ANKS1B: variants seen among roughly 807,000 people sequenced by gnomAD.
ANKS1B encodes the protein ankyrin repeat and sterile alpha motif domain-containing protein 1B.
A neutral mutation model predicts 148.3 loss-of-function variants in ANKS1B; 36 were observed. That is an observed-to-expected ratio of 0.24 (90% CI 0.19 to 0.32). The LOEUF (loss-of-function observed/expected upper bound fraction) is 0.32. ANKS1B is among the 10% of genes least tolerant of loss of function. ANKS1B has a pLI of 1.00. For synonymous variants in ANKS1B, 542 were observed against 560.8 expected (o/e 0.97, Z 0.47); for missense variants, 1,157 against 1,542.6 (o/e 0.75, Z 4.19).
At chr12:99,575,790 C>G (rs2097512675) in intron 9 of ANKS1B, among the ~76,000 whole-genome samples, 1 of 151,780 alleles carries the variant, frequency 6.6e-6, no homozygotes, top group Non-Finnish European at 1.5e-5. Flanking sequence ...TACTTTCCAC[C>G]AAAAAAATAC....
intron 17 of ANKS1B, among the ~76,000 whole-genome samples, chr12:98,984,696 T>A (rs903858788): frequency 4.6e-5 from 7 of 152,306 alleles, no homozygotes; most frequent in Non-Finnish European, 1.0e-4. Context: ...CAGATTTTTT[T>A]AACCTATTTC....
chr12:99,085,068 C>G (rs767492885), intron 15 of ANKS1B, 45 bp from the exon 16 acceptor site: 1 of 1,439,298 alleles, frequency 6.9e-7, no homozygotes, highest in Non-Finnish European at 9.6e-7. Context: ...AGCATTTATA[C>G]TGTGGATAAA....
chr12:99,812,556 CACAGAGAGAG>C (rs576105020), intron 2 of ANKS1B, among the ~76,000 whole-genome samples: 1,370 of 63,008 alleles, frequency 0.022, 17 homozygotes, highest in South Asian at 0.14. Context: ...CACACACACA[CACAGAGAGAG>C]AGAGAGAGAG....
chr12:99,423,790 G>C (rs1287257629), intron 11 of ANKS1B, among the ~76,000 whole-genome samples: 1 of 152,124 alleles, frequency 6.6e-6, no homozygotes, highest in African/African-American at 2.4e-5. Context: ...TAAATGGTGA[G>C]AACATGTGAA....
chr12:99,607,608 T>C (rs554308585), intron 9 of ANKS1B, among the ~76,000 whole-genome samples: 2 of 152,188 alleles, frequency 1.3e-5, no homozygotes, highest in East Asian at 3.9e-4. Context: ...GGTCCAATAA[T>C]TCAAGACTCA....
intron 17 of ANKS1B, among the ~76,000 whole-genome samples, chr12:98,866,632 C>T (rs2099625935): frequency 6.6e-6 from 1 of 152,242 alleles, no homozygotes; most frequent in South Asian, 2.1e-4. Context: ...GGACCCTTCA[C>T]CTTTGGGACA....
At chr12:99,679,303 T>G (rs891240047) in intron 8 of ANKS1B, among the ~76,000 whole-genome samples, 2 of 152,292 alleles carry the variant, frequency 1.3e-5, no homozygotes, top group East Asian at 3.9e-4. Flanking sequence ...TTTTGAACTC[T>G]AAAGTTTTGT....
At chr12:99,421,550 T>C (rs116933725) in intron 11 of ANKS1B, among the ~76,000 whole-genome samples, 2 of 151,978 alleles carry the variant, frequency 1.3e-5, no homozygotes, top group East Asian at 3.9e-4. Context: ...GAAGAGAAGA[T>C]ACACTCCAAT....
chr12:99,179,157 G>A (rs1347942509), intron 14 of ANKS1B, among the ~76,000 whole-genome samples: 1 of 152,096 alleles, frequency 6.6e-6, no homozygotes, highest in Admixed American at 6.6e-5. Context: ...GGCCGGGCGC[G>A]GTGGCTCATG....
intron 9 of ANKS1B, among the ~76,000 whole-genome samples, chr12:99,581,628 C>T (rs960145152): frequency 2.6e-4 from 39 of 152,226 alleles, no homozygotes; most frequent in African/African-American, 8.9e-4. Context: ...CGGTGGCTCA[C>T]GCCTGTAATC....
intron 17 of ANKS1B, among the ~76,000 whole-genome samples, chr12:99,030,574 G>C (rs1482013480): frequency 6.6e-6 from 1 of 151,902 alleles, no homozygotes; most frequent in Non-Finnish European, 1.5e-5. Flanking sequence ...ACCTCCTCCA[G>C]TAAGATACTC....
intron 12 of ANKS1B, among the ~76,000 whole-genome samples, chr12:99,319,257 A>C (rs2084762947): frequency 1.3e-5 from 2 of 152,072 alleles, no homozygotes; most frequent in African/African-American, 2.4e-5. Flanking sequence ...TGATCTGTCT[A>C]ATGTTGACAG....
At chr12:98,850,541 C>T (rs1338659813) in intron 17 of ANKS1B, among the ~76,000 whole-genome samples, 1 of 137,438 alleles carries the variant, frequency 7.3e-6, no homozygotes, top group African/African-American at 2.7e-5. Flanking sequence ...GATCTCGGCT[C>T]ACTGCAACCT....
At chr12:99,137,333 A>C (rs2068471561) in intron 15 of ANKS1B, among the ~76,000 whole-genome samples, 1 of 152,158 alleles carries the variant, frequency 6.6e-6, no homozygotes, top group Non-Finnish European at 1.5e-5. Flanking sequence ...CAGCACAGAT[A>C]ATCACCTACA....
intron 12 of ANKS1B, among the ~76,000 whole-genome samples, chr12:99,288,132 A>G (rs2079392735): frequency 6.6e-6 from 1 of 152,176 alleles, no homozygotes; most frequent in Non-Finnish European, 1.5e-5. Context: ...CAAACTCCCA[A>G]AGGTCAAGTA....
chr12:99,730,911 T>C (rs1048203752), intron 8 of ANKS1B, among the ~76,000 whole-genome samples: 6 of 152,112 alleles, frequency 3.9e-5, no homozygotes, highest in Non-Finnish European at 8.8e-5. Context: ...GGTATTTTTG[T>C]TTTTGTTTTT....
chr12:98,915,071 AC>A (rs2099792346), intron 17 of ANKS1B, among the ~76,000 whole-genome samples: 1 of 137,396 alleles, frequency 7.3e-6, no homozygotes, highest in South Asian at 2.3e-4. Context: ...TGTTCCCCCC[AC>A]CACCCCCAGT....
At chr12:99,656,111 A>G (rs1300065208) in intron 8 of ANKS1B, among the ~76,000 whole-genome samples, 1 of 152,200 alleles carries the variant, frequency 6.6e-6, no homozygotes, top group African/African-American at 2.4e-5. Flanking sequence ...AAGTTGAAGC[A>G]AAAGGATTAT....
chr12:99,308,958 T>C (rs186084018), intron 12 of ANKS1B, among the ~76,000 whole-genome samples: 264 of 150,156 alleles, frequency 1.8e-3, no homozygotes, highest in African/African-American at 6.3e-3. Flanking sequence ...ATATATAACA[T>C]ATATATAACA....
Sources: allele counts gnomAD v4.1 joint callset (sites outside exome capture counted in the v4.1 genomes callset), GRCh38; gene constraint gnomAD v4.1.1; transcripts MANE v1.5; gene names NCBI Gene and HGNC (gene_info 2026-07-23, HGNC 2026-07-21).